The following NEK1 variants were observed in gnomAD, a reference collection of about 807,000 sequenced individuals.
The protein encoded by NEK1 is NIMA related kinase 1, also known as serine/threonine-protein kinase Nek1.
A neutral mutation model predicts 182.1 loss-of-function variants in NEK1; 137 were observed. That is an observed-to-expected ratio of 0.75 (90% CI 0.65 to 0.87). The LOEUF is 0.87. NEK1 is among the 40% of genes least tolerant of loss of function. The probability of loss-of-function intolerance (pLI) is 0.00; values close to 1 mark genes in which losing one functional copy is unlikely to be tolerated. For missense variants in NEK1, 1,391 were observed against 1,494.4 expected (o/e 0.93, Z 1.14); for synonymous variants, 513 against 492.2 (o/e 1.04, Z -0.56).
rs1579326106 is a variant in NEK1 at position 169,405,029 on chromosome 4, G to A, written c.3374+1567C>T. ...CGACCTGCTAACTCCCCATTGGCAT[G>A]GCTTTGAAATCATATATGGCAAGAG... On this transcript the variant is annotated intron_variant, in intron 32 of 35. Transcript: ENST00000507142. Among the ~76,000 whole-genome samples, 3 of 152,162 alleles carry A rather than the reference G, an allele frequency of 2.0e-5. No individual in the cohort carries two copies. In the East Asian group the frequency reaches 5.8e-4, roughly 29 times the overall value.
At chr4:169,587,210 T>G (rs1767680446) in intron 9 of NEK1, among the ~76,000 whole-genome samples, 1 of 152,102 alleles carries the variant, frequency 6.6e-6, no homozygotes, top group Non-Finnish European at 1.5e-5. Context: ...AAACTCAATC[T>G]GGGTGTTTTG....
chr4:169,535,391 G>C (rs1338515623), intron 19 of NEK1, among the ~76,000 whole-genome samples: 1 of 151,408 alleles, frequency 6.6e-6, no homozygotes, highest in African/African-American at 2.4e-5. Flanking sequence ...AGAATTAACA[G>C]ACACAGCAGA....
chr4:169,442,612 ATGC>A (rs950954114), intron 27 of NEK1, among the ~76,000 whole-genome samples: 1 of 152,240 alleles, frequency 6.6e-6, no homozygotes, highest in Non-Finnish European at 1.5e-5. Flanking sequence ...AATCTACAAA[ATGC>A]CTAAAACAAT....
intron 31 of NEK1, among the ~76,000 whole-genome samples, chr4:169,421,180 A>C (rs1735431852): frequency 6.6e-6 from 1 of 152,204 alleles, no homozygotes; most frequent in Non-Finnish European, 1.5e-5. Context: ...GTTCAAATGC[A>C]ACTGAGTGGA....
chr4:169,445,866 A>ATATACACACACC (rs1491240106), intron 27 of NEK1, among the ~76,000 whole-genome samples: 1 of 89,816 alleles, frequency 1.1e-5, no homozygotes, highest in East Asian at 3.0e-4. Context: ...ATATATATAT[A>ATATACACACACC]CACACACACA....
At chr4:169,605,076 C>T (rs182571716) in intron 2 of NEK1, among the ~76,000 whole-genome samples, 8 of 152,084 alleles carry the variant, frequency 5.3e-5, no homozygotes, top group African/African-American at 1.7e-4. Flanking sequence ...ATCTAAATTT[C>T]AAAAATTAAA....
chr4:169,561,898 T>C lies in NEK1; in HGVS notation c.1081-7A>G. 6.3e-7 allele frequency: 1 copy of C among 1,589,370 alleles called. No homozygotes were observed. The highest frequency in any genetic ancestry group is 2.2e-5 in the East Asian group (1 of 44,580). On this transcript the variant is annotated splice_region_variant and splice_polypyrimidine_tract_variant and intron_variant, in intron 13 of 35. Coordinates refer to ENST00000507142, the MANE Select transcript of NEK1 (RefSeq NM_001199397.3). ...TTCTCTTTCTTGCTGCTTCCTTAAATAAAAAAAAGAACATTTTAATCCATA... is the reference window on the plus strand; with the variant it reads ...TTCTCTTTCTTGCTGCTTCCTTAAACAAAAAAAAGAACATTTTAATCCATA...
chr4:169,569,243 A>G (rs960222421), intron 12 of NEK1, among the ~76,000 whole-genome samples: 1 of 152,188 alleles, frequency 6.6e-6, no homozygotes, highest in Non-Finnish European at 1.5e-5. Flanking sequence ...CCTTTTCATT[A>G]CCTCAACCTG....
chr4:169,401,973 C>G (rs1366736938), intron 32 of NEK1, 113 bp from the exon 33 acceptor site: 1 of 790,438 alleles, frequency 1.3e-6, no homozygotes, highest in Non-Finnish European at 1.9e-6. Flanking sequence ...GTAGGCACTT[C>G]TTAAAAAATC....
chr4:169,433,460 G>A (rs989001798), intron 29 of NEK1, 85 bp downstream of exon 29: 8 of 1,244,320 alleles, frequency 6.4e-6, no homozygotes, highest in Non-Finnish European at 9.0e-6. Flanking sequence ...ATATTATGTT[G>A]CAATATTAGC....
chr4:169,590,481 C>T (rs796142883), intron 6 of NEK1, among the ~76,000 whole-genome samples: 4 of 151,858 alleles, frequency 2.6e-5, no homozygotes, highest in South Asian at 4.2e-4. Flanking sequence ...CTAATGGGTA[C>T]GAGGTTCTTT....
At chr4:169,439,841 G>T (rs1185040866) in intron 27 of NEK1, among the ~76,000 whole-genome samples, 1 of 145,554 alleles carries the variant, frequency 6.9e-6, no homozygotes, top group Admixed American at 6.8e-5. Flanking sequence ...GGAGGTTAGG[G>T]TATCTTTTTT....
chr4:169,424,864 G>A (rs1736102702), intron 30 of NEK1, 64 bp from the exon 31 acceptor site: 9 of 1,452,040 alleles, frequency 6.2e-6, no homozygotes, highest in Non-Finnish European at 8.3e-6. Flanking sequence ...AAATGATATT[G>A]ATAAGGCACA....
At chr4:169,496,182 A>C (rs979501320) in intron 23 of NEK1, among the ~76,000 whole-genome samples, 2 of 152,070 alleles carry the variant, frequency 1.3e-5, no homozygotes, top group African/African-American at 4.8e-5. Flanking sequence ...ATGGGAGTTC[A>C]CTCATGATTT....
intron 31 of NEK1, among the ~76,000 whole-genome samples, chr4:169,408,668 T>TA (rs1394517889): frequency 1.3e-5 from 2 of 152,144 alleles, no homozygotes; most frequent in East Asian, 3.8e-4. Context: ...ACATCACTCT[T>TA]ATGCCTTTGG....
At chr4:169,585,928 G>A (rs1175847679) in intron 9 of NEK1, among the ~76,000 whole-genome samples, 1 of 152,124 alleles carries the variant, frequency 6.6e-6, no homozygotes, top group Admixed American at 6.6e-5. Flanking sequence ...TAGTGCCTCT[G>A]TTGTAATGAC....
chr4:169,443,101 A>ATCTATCTCTCTC (rs1363038119), intron 27 of NEK1, among the ~76,000 whole-genome samples: 4 of 148,176 alleles, frequency 2.7e-5, no homozygotes, highest in African/African-American at 1.0e-4. Flanking sequence ...CTATCTATCT[A>ATCTATCTCTCTC]TCTCATAATT....
intron 23 of NEK1, among the ~76,000 whole-genome samples, chr4:169,496,640 T>C (rs912491963): frequency 2.0e-4 from 30 of 149,080 alleles, no homozygotes; most frequent in Non-Finnish European, 4.0e-4. Context: ...TCAAAGGCCT[T>C]TTCTGCATCT....
At chr4:169,441,658 T>A (rs866780358) in intron 27 of NEK1, among the ~76,000 whole-genome samples, 3 of 152,216 alleles carry the variant, frequency 2.0e-5, no homozygotes, top group Non-Finnish European at 2.9e-5. Context: ...GTGAGCATCA[T>A]CCAGGGGCAC....
Sources: gnomAD v4.1 joint callset for allele counts (sites outside exome capture counted in the v4.1 genomes callset) on GRCh38, gnomAD v4.1.1 for gene constraint, MANE v1.5 for transcripts, NCBI Gene and HGNC (gene_info 2026-07-23, HGNC 2026-07-21) for gene names.